Variants in HELZ2 observed in about 807,000 individuals in gnomAD.
HELZ2 encodes the protein 3'-5' exoribonuclease HELZ2.
HELZ2 carries 143 observed loss-of-function variants against 208.8 expected under a neutral mutation model. The observed-to-expected ratio is 0.68, with a 90% confidence interval of 0.60 to 0.79. The LOEUF is 0.79. Among genes scored for constraint, HELZ2 ranks in the 30% least tolerant of loss-of-function variants. The pLI is 0.00. For synonymous variants in HELZ2, 1,705 were observed against 1,693.7 expected (o/e 1.01, Z -0.16); for missense variants, 3,690 against 3,794.5 (o/e 0.97, Z 0.72).
chr20:63,558,757 C>T (rs576189619), downstream of HELZ2: 70 of 152,590 alleles, frequency 4.6e-4, no homozygotes, highest in South Asian at 2.0e-3. Flanking sequence ...AGGATGGTCT[C>T]GAACTCCTGA....
intron 18 of HELZ2, 92 bp downstream of exon 19, chr20:63,559,836 G>C (rs975780409): frequency 2.1e-6 from 3 of 1,396,978 alleles, no homozygotes; most frequent in East Asian, 2.3e-5. Flanking sequence ...GGGTCAGGTC[G>C]GAGTCAGGGT....
At chr20:63,572,057 C>T (rs1451943418) in intron 1 of HELZ2, 51 bp downstream of exon 2, 3 of 1,538,696 alleles carry the variant, frequency 1.9e-6, no homozygotes, top group Non-Finnish European at 2.6e-6. Flanking sequence ...TCTGGTTCTG[C>T]CTATGGTGGG....
exon 8 of HELZ2, chr20:63,564,783 G>T (rs571143331): frequency 6.2e-7 from 1 of 1,611,812 alleles, no homozygotes; most frequent in Non-Finnish European, 8.5e-7. Flanking sequence ...GCGCCCTGGG[G>T]GTCCACAGTG....
chr20:63,572,343 C>G (rs754953492), exon 1 of HELZ2: 2 of 1,572,780 alleles, frequency 1.3e-6, no homozygotes, highest in South Asian at 1.1e-5. Context: ...AGCAGGTCCC[C>G]CCGCTGGAGG....
exon 19 of HELZ2, chr20:63,559,224 C>T (rs928973055): frequency 2.0e-6 from 3 of 1,513,598 alleles, no homozygotes; most frequent in African/African-American, 1.4e-5. Context: ...AGTCCTGGCA[C>T]CTTGCAGGTG....
Position 63,560,933 on chromosome 20 carries a change from G to A in HELZ2, c.7147-4C>T, listed in dbSNP as rs774323592. On this transcript the variant is annotated splice_region_variant and splice_polypyrimidine_tract_variant and intron_variant, in intron 14 of 18. Transcript: ENST00000467148. ...TGTGGTCTCCGAGAAGAACCACCTG[G>A]AGGAATAGGCAGGCCTGGCCCTGAC... is the stretch of plus-strand genomic sequence containing the variant. 6.8e-6 allele frequency: 11 copies of A among 1,612,462 alleles called. No individual in the cohort carries two copies. The highest frequency in any genetic ancestry group is 9.3e-6 in the Non-Finnish European group (11 of 1,179,694).
chr20:63,563,872 G>T lies in HELZ2; in HGVS notation c.4950C>A (p.Cys1650Ter). 2.5e-6 allele frequency: 4 copies of T among 1,596,474 alleles called. No individual in the cohort carries two copies. The East Asian group carries it at 6.8e-5, about 27-fold the overall frequency. The change falls in exon 8 of 19, where the codon TGC (cysteine) becomes TGA (stop). Residue 1650 changes from cysteine to a stop codon, truncating the protein, a stop_gained. Coordinates refer to ENST00000467148, the Ensembl canonical transcript of HELZ2. LOFTEE classifies it high-confidence loss of function. ...CGCCCTGCTGCTGGTGGCCCCGGGC[G>T]CAGCGGCCGAACGCCGAGCGCTCCA...
chr20:63,562,757 G>C (rs752418288), exon 8 of HELZ2: 4 of 1,603,988 alleles, frequency 2.5e-6, no homozygotes, highest in South Asian at 1.1e-5. Flanking sequence ...CCCAGGGCGT[G>C]GGCTGGCCGT....
At chr20:63,564,318 G>A (rs746445489) in exon 8 of HELZ2, 30 of 1,594,848 alleles carry the variant, frequency 1.9e-5, no homozygotes, top group Middle Eastern at 1.6e-4. Context: ...CAGTCGGACC[G>A]CAGGCGGTGC....
chr20:63,564,039 G>A (rs375889877), exon 8 of HELZ2: 37 of 1,604,746 alleles, frequency 2.3e-5, no homozygotes, highest in Middle Eastern at 3.3e-4. Context: ...AGGTGCAGCC[G>A]CGTGTCGGGG....
exon 8 of HELZ2, chr20:63,565,477 C>G: frequency 6.2e-7 from 1 of 1,607,738 alleles, no homozygotes; most frequent in Non-Finnish European, 8.5e-7. Flanking sequence ...GTAGCGCAGC[C>G]GGGGGCAGGT....
At chr20:63,565,847 A>T (rs754887101) in exon 8 of HELZ2, 1 of 1,598,496 alleles carries the variant, frequency 6.3e-7, no homozygotes, top group Non-Finnish European at 8.5e-7. Context: ...CATGGCCGTC[A>T]CCACAGCCGC....
At chr20:63,568,133 C>A in intron 5 of HELZ2, 1 of 585,562 alleles carries the variant, frequency 1.7e-6, no homozygotes. Context: ...GTGACACTCT[C>A]CTTGGGCCAG....
upstream of HELZ2, among the ~76,000 whole-genome samples, chr20:63,573,815 T>A (rs2083034563): frequency 1.3e-5 from 2 of 151,884 alleles, no homozygotes; most frequent in Admixed American, 6.6e-5. The surrounding 1 kb of genome is among the most constrained non-coding windows in gnomAD (Gnocchi z 4.9). Context: ...GAAGAGTAAG[T>A]TTAAAAGCAA....
chr20:63,569,281 T>C (rs749420418), exon 4 of HELZ2: 30 of 1,576,154 alleles, frequency 1.9e-5, no homozygotes, highest in Non-Finnish European at 2.6e-5. Context: ...GCAGGGCCCT[T>C]GTACTTGGCC....
Position 63,560,936 on chromosome 20 carries a change from G to A in HELZ2, c.7147-7C>T. On this transcript the variant is annotated splice_region_variant and splice_polypyrimidine_tract_variant and intron_variant, in intron 14 of 18. Coordinates refer to ENST00000467148, the Ensembl canonical transcript of HELZ2. ...GGTCTCCGAGAAGAACCACCTGGAGGAATAGGCAGGCCTGGCCCTGACACC... is the reference window on the plus strand; with the variant it reads ...GGTCTCCGAGAAGAACCACCTGGAGAAATAGGCAGGCCTGGCCCTGACACC... The A allele has an allele frequency of 3.7e-6, 6 of 1,612,168 alleles. No individual in the cohort carries two copies. The highest frequency in any genetic ancestry group is 4.2e-6 in the Non-Finnish European group (5 of 1,179,516).
chr20:63,559,579 G>GT (rs879059057), intron 18 of HELZ2, among the ~76,000 whole-genome samples: 3 of 56,628 alleles, frequency 5.3e-5, no homozygotes, highest in African/African-American at 6.1e-5. Context: ...TCAGGTGGGA[G>GT]GAGTCAGGGT....
chr20:63,569,434 C>T lies in HELZ2; in HGVS notation c.802G>A (p.Gly268Arg), dbSNP rs772810619. The T allele has an allele frequency of 2.5e-6, 4 of 1,608,764 alleles. No individual in the cohort carries two copies. In the Admixed American group the frequency reaches 5.0e-5, roughly 20 times the overall value. The stretch of plus-strand genomic sequence containing the variant: ...CGACGCCCCTGGCCCAGCTGCAGCC[C>T]CAGCTTTTGTAGCAGCACCGGCCGG... Residue 268 changes from glycine (G) to arginine (R), a missense_variant, in exon 4 of 19, where the codon GGG becomes AGG. Transcript: ENST00000467148.
chr20:63,562,218 C>G lies in HELZ2; in HGVS notation c.6398-15G>C, dbSNP rs373503055. 7.7e-5 allele frequency: 124 copies of G among 1,611,306 alleles called. No individual in the cohort carries two copies. Among genetic ancestry groups the G allele is most frequent in the Non-Finnish European group, 1.0e-4 (121 of 1,179,416 alleles). ...GCTGGGGATCACTGAGAGGGGGCAG[C>G]CTCCCTGAGCACTCATGCAGGGTGG... is the stretch of plus-strand genomic sequence containing the variant. On this transcript the variant is annotated splice_polypyrimidine_tract_variant and intron_variant, in intron 9 of 18. Transcript: ENST00000467148.
Sources: gnomAD v4.1 joint callset for allele counts (sites outside exome capture counted in the v4.1 genomes callset) on GRCh38, gnomAD v4.1.1 for gene constraint, Gnocchi (gnomAD v3.1) non-coding constraint, MANE v1.5 for transcripts, NCBI Gene and HGNC (gene_info 2026-07-23, HGNC 2026-07-21) for gene names.